Variants in TMEM41B observed in about 807,000 individuals in gnomAD.
TMEM41B encodes protein stasimon.
A neutral mutation model predicts 31.9 loss-of-function variants in TMEM41B; 18 were observed. The ratio of observed to expected loss-of-function variants is 0.56; its 90% CI spans 0.39 to 0.84. The LOEUF (loss-of-function observed/expected upper bound fraction) is 0.84, where lower values mean the gene tolerates loss of function less well. Among genes scored for constraint, TMEM41B ranks in the 40% least tolerant of loss-of-function variants. The probability of loss-of-function intolerance (pLI) is 0.00; values close to 1 mark genes in which losing one functional copy is unlikely to be tolerated. For missense variants in TMEM41B, 322 were observed against 348.0 expected, an observed-to-expected ratio of 0.93 and a Z score of 0.59; for synonymous variants, 144 against 124.3, an observed-to-expected ratio of 1.16 and a Z score of -1.05.
Position 9,287,658 on chromosome 11 carries a change from A to C in TMEM41B, c.567+44T>G, listed in dbSNP as rs79622336. ...GTAGGGACTAAACACAGACCTTCCA[A>C]TTAACAAAGAGTTACATCAAATAAT... On this transcript the variant is annotated intron_variant, in intron 5 of 6. Transcript: ENST00000528080. The C allele has an allele frequency of 5.3e-3, 7,436 of 1,412,238 alleles. 296 individuals are homozygous for C. In the African/African-American group the frequency reaches 0.089, roughly 17 times the overall value. 87.5% of individuals were successfully genotyped at this position (1,412,238 alleles called of 1,614,324 possible).
chr11:9,286,208 C>T (rs1852833855), intron 6 of TMEM41B, among the ~76,000 whole-genome samples: 1 of 126,194 alleles, frequency 7.9e-6, no homozygotes, highest in Non-Finnish European at 1.7e-5. Context: ...TCCTGCTTAA[C>T]CCTATATCAT....
At position 9,281,364 on chromosome 11, in the gene TMEM41B, C is replaced by T. The variant is rs568802013; in HGVS notation, c.*2060G>A. On this transcript the variant is annotated 3_prime_UTR_variant, in exon 7 of 7. Transcript: ENST00000528080. ...TTGCTAGAAATAATAAATAATCTCACGCAAAAGGCCAGGTGACATAAGAAT... is the reference window on the plus strand; with the variant it reads ...TTGCTAGAAATAATAAATAATCTCATGCAAAAGGCCAGGTGACATAAGAAT... The T allele has an allele frequency of 6.6e-6, 1 of 152,244 alleles. No individual in the cohort carries two copies. Among genetic ancestry groups the T allele is most frequent in the East Asian group, 1.9e-4 (1 of 5,188 alleles). The allele number at this position is 152,244 out of a possible 1,614,324, so 9.4% of individuals were successfully genotyped here.
rs899431549 is a variant in TMEM41B at position 9,282,113 on chromosome 11, C to G, written c.*1311G>C. ...CAATACCAGGCTGGGCACAGTGGCT[C>G]ATGCCTGTAATCCCAGCACTTTGGG... On this transcript the variant is annotated 3_prime_UTR_variant, in exon 7 of 7. Coordinates refer to ENST00000528080, the MANE Select transcript of TMEM41B (RefSeq NM_015012.4). 6.6e-6 allele frequency: 1 copy of G among 152,206 alleles called. No individual in the cohort carries two copies. The highest frequency in any genetic ancestry group is 1.5e-5 in the Non-Finnish European group (1 of 68,056). The allele number at this position is 152,206 out of a possible 1,614,324, so 9.4% of individuals were successfully genotyped here.
rs565426647 is a variant in TMEM41B at position 9,294,973 on chromosome 11, C to T, written c.368+286G>A. 1.3e-4 allele frequency: 30 copies of T among 223,116 alleles called. 1 individual carries two copies. The South Asian group carries it at 3.9e-3, about 29-fold the overall frequency. 13.8% of individuals were successfully genotyped at this position (223,116 alleles called of 1,614,324 possible). On this transcript the variant is annotated intron_variant, in intron 3 of 6. Coordinates refer to ENST00000528080, the MANE Select transcript of TMEM41B (RefSeq NM_015012.4). ...TAATGAATACAATTATAAATCAAAC[C>T]CATAAAATAAACATCTTAATAATAT...
rs1414421623 is a variant in TMEM41B at position 9,283,057 on chromosome 11, T to G, written c.*367A>C. On this transcript the variant is annotated 3_prime_UTR_variant, in exon 7 of 7. Transcript: ENST00000528080. ...ACCTGCAACACTACTTTAAAAAATC[T>G]AGAATTTAAAAATATCTATTTTAGT... is the stretch of plus-strand genomic sequence containing the variant. 6.5e-6 allele frequency: 1 copy of G among 153,340 alleles called. No homozygotes were observed. The highest frequency in any genetic ancestry group is 1.4e-5 in the Non-Finnish European group (1 of 69,000). The allele number at this position is 153,340 out of a possible 1,614,324, so 9.5% of individuals were successfully genotyped here. A position where few individuals can be genotyped will look rare whatever the true frequency, so the allele number is the denominator to read the frequency against.
Position 9,314,322 on chromosome 11 carries a change from C to A in TMEM41B, c.120G>T (p.Lys40Asn). ...GCTCTGCTCCCCGGGCCCACTCACC[C>A]TTCTGGTGGTCTCTGCTGCCAGGCG... The part of the protein sequence containing the change: ...LAAPGSRDHQ[K>N]EKSWVEAGSA... The change falls in exon 1 of 7, where the codon AAG becomes AAT. Residue 40 changes from lysine (K) to asparagine (N), a missense_variant and splice_region_variant. Lys to Asn is a moderately conservative substitution (Grantham distance 94, BLOSUM62 0). Coordinates refer to ENST00000528080, the MANE Select transcript of TMEM41B (RefSeq NM_015012.4). 1 of 1,599,842 alleles carries A rather than the reference C, an allele frequency of 6.3e-7. No individual in the cohort carries two copies. Among genetic ancestry groups the A allele is most frequent in the East Asian group, 2.3e-5 (1 of 44,192 alleles).
intron 3 of TMEM41B, among the ~76,000 whole-genome samples, chr11:9,288,820 T>C (rs1245970183): frequency 6.6e-6 from 1 of 152,170 alleles, no homozygotes; most frequent in Non-Finnish European, 1.5e-5. Context: ...CGTAATCTTT[T>C]AGTGCTTCTC....
intron 6 of TMEM41B, 45 bp from the exon 7 acceptor site, chr11:9,283,638 T>C: frequency 6.6e-7 from 1 of 1,525,700 alleles, no homozygotes; most frequent in East Asian, 2.3e-5. Context: ...ACCGCAATTG[T>C]TTTTAAAAAA....
At chr11:9,297,827 C>CA (rs918160958) in intron 2 of TMEM41B, among the ~76,000 whole-genome samples, 2 of 151,692 alleles carry the variant, frequency 1.3e-5, no homozygotes, top group East Asian at 1.9e-4. Flanking sequence ...GTTTACATGA[C>CA]AAAAAAAATT....
chr11:9,293,851 G>C (rs1374708239), intron 3 of TMEM41B, among the ~76,000 whole-genome samples: 2 of 152,092 alleles, frequency 1.3e-5, no homozygotes, highest in Non-Finnish European at 2.9e-5. Context: ...CAAAGTGCTG[G>C]TGTTGCAGGC....
At chr11:9,299,528 C>G in intron 2 of TMEM41B, 56 bp downstream of exon 2, 1 of 1,248,568 alleles carries the variant, frequency 8.0e-7, no homozygotes, top group South Asian at 1.3e-5. Context: ...TGGCCTTAAT[C>G]CACTTTCATC....
At chr11:9,312,900 T>C (rs1239263792) in intron 1 of TMEM41B, among the ~76,000 whole-genome samples, 4 of 91,620 alleles carry the variant, frequency 4.4e-5, no homozygotes, top group Non-Finnish European at 4.4e-5. Flanking sequence ...CGAGACTCCG[T>C]CTCAAAAAAA....
chr11:9,311,300 AGAG>A (rs1853555012), intron 1 of TMEM41B: 7 of 1,522,208 alleles, frequency 4.6e-6, no homozygotes, highest in Middle Eastern at 2.5e-4. Flanking sequence ...CACTGCTGGA[AGAG>A]GAGGAGGAAT....
chr11:9,291,351 C>T lies in TMEM41B; in HGVS notation c.369-2816G>A, dbSNP rs533343758. On this transcript the variant is annotated intron_variant, in intron 3 of 6. Transcript: ENST00000528080. ...GGGCCGAGATCGCGTCGCTACACTC[C>T]AGCCTGGGAAACAGAGTGAGACTCC... is the stretch of plus-strand genomic sequence containing the variant. 3.3e-5 allele frequency among the ~76,000 whole-genome samples: 5 copies of T among 151,914 alleles called. No individual in the cohort carries two copies. The East Asian group carries it at 5.8e-4, about 18-fold the overall frequency.
chr11:9,301,790 C>G (rs963593311), intron 1 of TMEM41B, among the ~76,000 whole-genome samples: 1 of 152,076 alleles, frequency 6.6e-6, no homozygotes, highest in Non-Finnish European at 1.5e-5. Flanking sequence ...GGACTTGGAG[C>G]TAAAAGGTTA....
At chr11:9,305,076 G>C (rs1161008707) in intron 1 of TMEM41B, among the ~76,000 whole-genome samples, 2 of 152,134 alleles carry the variant, frequency 1.3e-5, no homozygotes, top group African/African-American at 4.8e-5. Flanking sequence ...ACTGGTATGA[G>C]CCATAGAACC....
intron 4 of TMEM41B, 78 bp from the exon 5 acceptor site, chr11:9,287,884 C>G: frequency 9.5e-7 from 1 of 1,048,212 alleles, no homozygotes; most frequent in Non-Finnish European, 1.4e-6. Context: ...GAGTAAAAAG[C>G]TCAATTAATT....
intron 3 of TMEM41B, among the ~76,000 whole-genome samples, chr11:9,293,596 T>A (rs1853008003): frequency 6.6e-6 from 1 of 152,078 alleles, no homozygotes; most frequent in South Asian, 2.1e-4. Flanking sequence ...TTATTTTTAT[T>A]TTTTGGGGAT....
In TMEM41B at chr11:9,298,149, T is replaced by C. The variant is rs1025601516; in HGVS notation, c.239+1435A>G. 3.3e-5 allele frequency among the ~76,000 whole-genome samples: 5 copies of C among 150,658 alleles called. 1 individual carries two copies. The Middle Eastern group carries it at 0.011, about 318-fold the overall frequency. ...CCAGTAAACTAAAGGTTCCTACTTA[T>C]GAAATTTATAAAACTAAAAAGACTC... is the stretch of plus-strand genomic sequence containing the variant. On this transcript the variant is annotated intron_variant, in intron 2 of 6. Transcript: ENST00000528080.
Sources: gnomAD v4.1 joint callset for allele counts (sites outside exome capture counted in the v4.1 genomes callset) on GRCh38, gnomAD v4.1.1 for gene constraint, MANE v1.5 for transcripts, NCBI Gene and HGNC (gene_info 2026-07-23, HGNC 2026-07-21) for gene names.